The following ATXN1 variants were observed in gnomAD, a reference collection of about 807,000 sequenced individuals.
ATXN1 encodes ataxin 1.
ATXN1 carries 8 observed loss-of-function variants against 56.4 expected under a neutral mutation model. The observed-to-expected ratio is 0.14, with a 90% CI of 0.08 to 0.26. The LOEUF (loss-of-function observed/expected upper bound fraction) is 0.26, where lower values mean the gene tolerates loss of function less well. Ranked by LOEUF, ATXN1 falls within the 10% of genes least tolerant of loss-of-function variation. The pLI is 1.00. For synonymous variants in ATXN1, 514 were observed against 494.6 expected (o/e 1.04, Z -0.52); for missense variants, 987 against 1,106.5 (o/e 0.89, Z 1.53).
chr6:16,568,543 T>A (rs1007153491), intron 4 of ATXN1, among the ~76,000 whole-genome samples: 2 of 152,230 alleles, frequency 1.3e-5, no homozygotes, highest in Non-Finnish European at 2.9e-5. Context: ...AAAAGAGCTA[T>A]AGAGCTTATA....
At chr6:16,734,848 G>T (rs1760076358) in intron 2 of ATXN1, among the ~76,000 whole-genome samples, 1 of 152,144 alleles carries the variant, frequency 6.6e-6, no homozygotes, top group Non-Finnish European at 1.5e-5. Flanking sequence ...GAGGTGGGAA[G>T]AATGTGACAA....
At chr6:16,671,159 TCAC>T (rs1758531909) in intron 2 of ATXN1, among the ~76,000 whole-genome samples, 1 of 152,226 alleles carries the variant, frequency 6.6e-6, no homozygotes, top group African/African-American at 2.4e-5. Flanking sequence ...GTTGCTCAGT[TCAC>T]CAACAGGCTT....
intron 6 of ATXN1, among the ~76,000 whole-genome samples, chr6:16,363,807 C>T (rs1761862286): frequency 6.6e-6 from 1 of 152,092 alleles, no homozygotes; most frequent in Non-Finnish European, 1.5e-5. Flanking sequence ...TCGTTTCATC[C>T]CCAGTAAAGG....
chr6:16,592,890 G>GC (rs1762749083), intron 3 of ATXN1, among the ~76,000 whole-genome samples: 1 of 149,144 alleles, frequency 6.7e-6, no homozygotes, highest in Non-Finnish European at 1.5e-5. Flanking sequence ...GGTTGGGGGG[G>GC]GCAGCTTTTA....
At chr6:16,662,123 TCAAC>T (rs1758332156) in intron 2 of ATXN1, among the ~76,000 whole-genome samples, 1 of 152,184 alleles carries the variant, frequency 6.6e-6, no homozygotes, top group Non-Finnish European at 1.5e-5. Flanking sequence ...AATCACCTGT[TCAAC>T]AGCACACATA....
intron 6 of ATXN1, among the ~76,000 whole-genome samples, chr6:16,355,472 G>C (rs1426307360): frequency 6.6e-6 from 1 of 152,182 alleles, no homozygotes; most frequent in African/African-American, 2.4e-5. Flanking sequence ...GGATGAGCTT[G>C]GTGGGGGAGG....
chr6:16,680,117 C>T (rs1238627928), intron 2 of ATXN1, among the ~76,000 whole-genome samples: 1 of 152,052 alleles, frequency 6.6e-6, no homozygotes, highest in Non-Finnish European at 1.5e-5. Flanking sequence ...CCACAGTCTC[C>T]CATATTCAAT....
intron 2 of ATXN1, among the ~76,000 whole-genome samples, chr6:16,697,636 T>C (rs572805029): frequency 1.8e-5 from 2 of 112,616 alleles, no homozygotes; most frequent in Admixed American, 2.6e-4. Context: ...AAAACAGCAC[T>C]CTCACTGGGC....
At chr6:16,676,771 T>C (rs1758669441) in intron 2 of ATXN1, among the ~76,000 whole-genome samples, 1 of 152,222 alleles carries the variant, frequency 6.6e-6, no homozygotes, top group Non-Finnish European at 1.5e-5. Context: ...TGATTCCTTC[T>C]GGTTGGAAAC....
chr6:16,648,683 C>CA (rs1763843344), intron 3 of ATXN1, among the ~76,000 whole-genome samples: 1 of 152,162 alleles, frequency 6.6e-6, no homozygotes, highest in African/African-American at 2.4e-5. Context: ...GCAAAACAGA[C>CA]AAGGATCAAC....
intron 4 of ATXN1, among the ~76,000 whole-genome samples, chr6:16,528,246 A>G (rs538521883): frequency 6.6e-6 from 1 of 151,756 alleles, no homozygotes; most frequent in East Asian, 1.9e-4. Context: ...GGTTGCAGAT[A>G]GCTGAGATCG....
rs533762743 is a variant in ATXN1, at chr6:16,573,688, T to C, written c.-361+12092A>G. ...CCCACAGCTGTCAAATTCTCTTTCATACCAATCTCCAGCAATGCACATATA... is the reference window on the plus strand; with the variant it reads ...CCCACAGCTGTCAAATTCTCTTTCACACCAATCTCCAGCAATGCACATATA... On this transcript the variant is annotated intron_variant, in intron 4 of 7. Transcript: ENST00000436367. Among the ~76,000 whole-genome samples, 3 of 152,328 alleles carry C rather than the reference T, an allele frequency of 2.0e-5. No individual in the cohort carries two copies. In the East Asian group the frequency reaches 5.8e-4, roughly 29 times the overall value.
At position 16,703,848 on chromosome 6, in the gene ATXN1, C is replaced by T. The variant is rs757623151; in HGVS notation, c.-614-45947G>A. On this transcript the variant is annotated intron_variant, in intron 2 of 7. Transcript: ENST00000436367. ...CAATCTGGCCAACATAGTGAAACCCCGTCTCTACTAAAAATACAAAACTAG... is the reference window on the plus strand; with the variant it reads ...CAATCTGGCCAACATAGTGAAACCCTGTCTCTACTAAAAATACAAAACTAG... Among the ~76,000 whole-genome samples, 15 of 152,250 alleles carry T rather than the reference C, an allele frequency of 9.9e-5. No individual in the cohort carries two copies. In the Middle Eastern group the frequency reaches 0.01, roughly 104 times the overall value.
chr6:16,691,955 G>A (rs9370920), intron 2 of ATXN1, among the ~76,000 whole-genome samples: 56,077 of 152,166 alleles, frequency 0.37, 10,949 homozygotes, highest in Admixed American at 0.45. Context: ...GGTGCCATCT[G>A]TGAGCCTTAG....
At chr6:16,450,876 T>C (rs1370518571) in intron 6 of ATXN1, among the ~76,000 whole-genome samples, 2 of 152,144 alleles carry the variant, frequency 1.3e-5, no homozygotes, top group Non-Finnish European at 2.9e-5. Context: ...TCCTAACCTC[T>C]TTCAGCCTCA....
chr6:16,634,790 C>T (rs9297013), intron 3 of ATXN1, among the ~76,000 whole-genome samples: 6,748 of 151,724 alleles, frequency 0.044, 485 homozygotes, highest in East Asian at 0.29. Flanking sequence ...ATTTATTTTG[C>T]GTGTGTGTGT....
intron 6 of ATXN1, among the ~76,000 whole-genome samples, chr6:16,332,109 A>G (rs1360311327): frequency 1.3e-5 from 2 of 152,232 alleles, no homozygotes; most frequent in East Asian, 3.8e-4. Flanking sequence ...GGCCAAACCG[A>G]TAAAAGTTTC....
intron 6 of ATXN1, among the ~76,000 whole-genome samples, chr6:16,366,024 C>A (rs776910806): frequency 1.3e-5 from 2 of 152,132 alleles, no homozygotes; most frequent in Non-Finnish European, 2.9e-5. Context: ...TCATTCTGAT[C>A]TCTTCTCAGC....
chr6:16,608,551 A>G (rs1434951766), intron 3 of ATXN1, among the ~76,000 whole-genome samples: 1 of 152,214 alleles, frequency 6.6e-6, no homozygotes, highest in Admixed American at 6.5e-5. Context: ...AAGGATCACA[A>G]AAGCTTCTGG....
Sources: gnomAD v4.1 joint callset for allele counts (sites outside exome capture counted in the v4.1 genomes callset) on GRCh38, gnomAD v4.1.1 for gene constraint, MANE v1.5 for transcripts, NCBI Gene and HGNC (gene_info 2026-07-23, HGNC 2026-07-21) for gene names.